ANKRD6: variants seen among roughly 807,000 people sequenced by gnomAD.
The protein encoded by ANKRD6 is ankyrin repeat domain-containing protein 6.
ANKRD6 carries 56 observed loss-of-function variants against 82.3 expected under a neutral mutation model. The observed-to-expected ratio is 0.68, with a 90% CI of 0.55 to 0.85. ANKRD6 has a LOEUF of 0.85. ANKRD6 is among the 40% of genes least tolerant of loss of function. The pLI, the probability that ANKRD6 is intolerant of heterozygous loss-of-function variation, is 0.00. For missense variants in ANKRD6, 852 were observed against 907.6 expected (o/e 0.94, Z 0.79); for synonymous variants, 347 against 352.1 (o/e 0.99, Z 0.16).
In ANKRD6 at chr6:89,611,486, C is replaced by T. The variant is rs570795816; in HGVS notation, c.418-786C>T. On this transcript the variant is annotated intron_variant, in intron 5 of 15. Transcript: ENST00000339746. ...GTTATCAGCGGCCTCACATGCCCTA[C>T]TCCCATAGACTCAAAAGTTCTGTTC... is the stretch of plus-strand genomic sequence containing the variant. Among the ~76,000 whole-genome samples the T allele has an allele frequency of 1.8e-3, 281 of 152,334 alleles. 1 individual carries two copies. Among genetic ancestry groups the T allele is most frequent in the Non-Finnish European group, 3.4e-3 (234 of 68,034 alleles).
chr6:89,446,633 A>G (rs548234110), intron 1 of ANKRD6, among the ~76,000 whole-genome samples: 5 of 152,282 alleles, frequency 3.3e-5, no homozygotes, highest in African/African-American at 1.2e-4. Context: ...TTGTAATCCC[A>G]GCACGTTAGG....
intron 2 of ANKRD6, among the ~76,000 whole-genome samples, chr6:89,582,586 T>G (rs1420181170): frequency 6.6e-6 from 1 of 152,202 alleles, no homozygotes; most frequent in Admixed American, 6.5e-5. Context: ...AGATCTTTTT[T>G]CATCTTCCCA....
chr6:89,605,886 A>T, intron 4 of ANKRD6, 121 bp from the exon 5 acceptor site: 1 of 568,332 alleles, frequency 1.8e-6, no homozygotes, highest in Non-Finnish European at 2.9e-6. Flanking sequence ...GGCTCAGATG[A>T]GAAAGTCCAA....
intron 1 of ANKRD6, among the ~76,000 whole-genome samples, chr6:89,476,700 A>C (rs1416187330): frequency 6.6e-6 from 1 of 152,250 alleles, no homozygotes; most frequent in Non-Finnish European, 1.5e-5. Context: ...TATAAAAGTA[A>C]TACAGTGCTT....
At chr6:89,551,441 G>T (rs189069375) in intron 1 of ANKRD6, among the ~76,000 whole-genome samples, 1 of 152,258 alleles carries the variant, frequency 6.6e-6, no homozygotes, top group Admixed American at 6.5e-5. Context: ...GACTGTCCTC[G>T]CCCAGGGCTT....
chr6:89,505,209 C>T (rs765385549), intron 1 of ANKRD6, among the ~76,000 whole-genome samples: 3 of 152,160 alleles, frequency 2.0e-5, no homozygotes, highest in Admixed American at 1.3e-4. Context: ...CCCGTATGCA[C>T]CATCTGTGCA....
intron 14 of ANKRD6, among the ~76,000 whole-genome samples, 159 bp downstream of exon 14, chr6:89,627,855 A>G (rs574969838): frequency 6.6e-6 from 1 of 152,248 alleles, no homozygotes; most frequent in Non-Finnish European, 1.5e-5. Context: ...AGGTTAATAG[A>G]AAAGAACCTG....
At chr6:89,560,559 C>T (rs1172865331) in intron 1 of ANKRD6, among the ~76,000 whole-genome samples, 1 of 152,174 alleles carries the variant, frequency 6.6e-6, no homozygotes, top group Non-Finnish European at 1.5e-5. Flanking sequence ...CACGGTGGCT[C>T]ACGCCTATAA....
At chr6:89,548,076 T>C (rs1412283666) in intron 1 of ANKRD6, among the ~76,000 whole-genome samples, 2 of 152,224 alleles carry the variant, frequency 1.3e-5, no homozygotes, top group Non-Finnish European at 2.9e-5. Context: ...ATTTACCCTT[T>C]TAAAAGTGTA....
chr6:89,469,149 T>C (rs1219125215), intron 1 of ANKRD6, among the ~76,000 whole-genome samples: 6 of 152,218 alleles, frequency 3.9e-5, no homozygotes, highest in Admixed American at 3.3e-4. Flanking sequence ...TGGAAAATAT[T>C]AACAGCATAA....
rs570314847 is a variant in ANKRD6, at chr6:89,626,611, C to G, written c.1372-972C>G. On this transcript the variant is annotated intron_variant, in intron 13 of 15. Coordinates refer to ENST00000339746, the MANE Select transcript of ANKRD6 (RefSeq NM_001242809.2). ...TCTTTTTTCTTAATGTTTTGAACAT[C>G]TGGGTGTGGAATGCCACGTGTGTCC... Among the ~76,000 whole-genome samples, 6 of 152,332 alleles carry G rather than the reference C, an allele frequency of 3.9e-5. No homozygotes were observed. The South Asian group carries it at 1.2e-3, about 32-fold the overall frequency.
chr6:89,590,431 C>G (rs1180592467), intron 2 of ANKRD6, among the ~76,000 whole-genome samples: 2 of 152,146 alleles, frequency 1.3e-5, no homozygotes, highest in African/African-American at 4.8e-5. Flanking sequence ...TGATGAGAGA[C>G]TCTGGAGGGA....
At chr6:89,502,400 C>T (rs993028309) in intron 1 of ANKRD6, among the ~76,000 whole-genome samples, 1 of 152,092 alleles carries the variant, frequency 6.6e-6, no homozygotes, top group Non-Finnish European at 1.5e-5. Flanking sequence ...AATCCTAGCA[C>T]TTTGGGAGGC....
intron 3 of ANKRD6, among the ~76,000 whole-genome samples, chr6:89,600,002 G>T (rs1337425590): frequency 6.6e-6 from 1 of 152,138 alleles, no homozygotes; most frequent in Non-Finnish European, 1.5e-5. Context: ...ACAGCCAAAA[G>T]GTCCCCCAGA....
intron 1 of ANKRD6, among the ~76,000 whole-genome samples, chr6:89,563,075 C>T (rs1787707688): frequency 6.6e-6 from 1 of 152,080 alleles, no homozygotes; most frequent in South Asian, 2.1e-4. Context: ...TTTTGCTTGT[C>T]GGGAGACAGA....
intron 3 of ANKRD6, chr6:89,598,048 A>T: frequency 2.1e-6 from 2 of 942,944 alleles, no homozygotes; most frequent in Non-Finnish European, 2.5e-6. Flanking sequence ...GAAACAGAGA[A>T]TGTTAATGAT....
At chr6:89,551,480 A>G in intron 1 of ANKRD6, among the ~76,000 whole-genome samples, 1 of 152,236 alleles carries the variant, frequency 6.6e-6, no homozygotes, top group East Asian at 1.9e-4. Flanking sequence ...AAGGGTTGTC[A>G]GGACTGGAAT....
intron 1 of ANKRD6, among the ~76,000 whole-genome samples, chr6:89,527,908 C>T (rs547318984): frequency 7.2e-5 from 11 of 152,296 alleles, no homozygotes; most frequent in African/African-American, 2.6e-4. Context: ...CTCCCAGGCT[C>T]CAGTGTTCCT....
At chr6:89,520,913 G>T (rs1781813936) in intron 1 of ANKRD6, among the ~76,000 whole-genome samples, 2 of 152,102 alleles carry the variant, frequency 1.3e-5, no homozygotes, top group South Asian at 4.1e-4. Flanking sequence ...ATTTGAGCTT[G>T]GGAGGCCAAG....
Sources: gnomAD v4.1 joint callset for allele counts (sites outside exome capture counted in the v4.1 genomes callset) on GRCh38, gnomAD v4.1.1 for gene constraint, MANE v1.5 for transcripts, NCBI Gene and HGNC (gene_info 2026-07-23, HGNC 2026-07-21) for gene names.